The following RORB variants were observed in gnomAD, a reference collection of about 807,000 sequenced individuals.
RORB encodes nuclear receptor ROR-beta.
In RORB, 6 loss-of-function variants were observed where a neutral mutation model predicts 59.1. The ratio of observed to expected loss-of-function variants is 0.10; its 90% confidence interval spans 0.06 to 0.20. The LOEUF (loss-of-function observed/expected upper bound fraction) is 0.20, where lower values mean the gene tolerates loss of function less well. Ranked by LOEUF, RORB falls within the 10% of genes least tolerant of loss-of-function variation. RORB has a pLI of 1.00. For missense variants in RORB, 320 were observed against 560.5 expected (o/e 0.57, Z 4.33); for synonymous variants, 215 against 204.5 (o/e 1.05, Z -0.44).
chr9:74,574,592 A>C (rs1779871897), intron 1 of RORB, among the ~76,000 whole-genome samples: 1 of 152,130 alleles, frequency 6.6e-6, no homozygotes, highest in South Asian at 2.1e-4. Context: ...CATCCACATT[A>C]TAGTGCAACC....
At chr9:74,644,580 T>A (rs943690697) in intron 4 of RORB, among the ~76,000 whole-genome samples, 1 of 152,178 alleles carries the variant, frequency 6.6e-6, no homozygotes, top group Non-Finnish European at 1.5e-5. Context: ...CTACCTGCCA[T>A]GGGTCTCAAT....
At chr9:74,674,005 C>T (rs1824391773) in intron 9 of RORB, among the ~76,000 whole-genome samples, 1 of 152,108 alleles carries the variant, frequency 6.6e-6, no homozygotes, top group South Asian at 2.1e-4. Context: ...TTAAGTCGCT[C>T]CATTTGTCTA....
intron 1 of RORB, among the ~76,000 whole-genome samples, chr9:74,617,127 C>A (rs1397292080): frequency 6.9e-6 from 1 of 145,428 alleles, no homozygotes; most frequent in Non-Finnish European, 1.5e-5. Flanking sequence ...AGAAGTAATT[C>A]AAATGTCTAA....
intron 1 of RORB, among the ~76,000 whole-genome samples, chr9:74,562,059 G>A (rs953270043): frequency 2.0e-5 from 3 of 152,162 alleles, no homozygotes; most frequent in African/African-American, 4.8e-5. Context: ...AGAGGATGGT[G>A]CATGTTGTCA....
chr9:74,514,115 C>T (rs1394465494), intron 1 of RORB, among the ~76,000 whole-genome samples: 3 of 152,102 alleles, frequency 2.0e-5, no homozygotes, highest in Non-Finnish European at 4.4e-5. Flanking sequence ...GATGACCACG[C>T]ACAATCATAT....
intron 1 of RORB, among the ~76,000 whole-genome samples, chr9:74,531,158 G>C (rs1456802423): frequency 1.3e-5 from 2 of 151,944 alleles, no homozygotes; most frequent in Admixed American, 1.3e-4. Flanking sequence ...CTTTTAAATA[G>C]TTATCAGTCA....
chr9:74,528,246 T>G lies in RORB; in HGVS notation c.7+30263T>G, dbSNP rs1826186108. ...GACTGAGGGGTTCTTAGAGTCCAAG[T>G]GTTGAAACACTTTTAAAGTGCAGTT... On this transcript the variant is annotated intron_variant, in intron 1 of 9. Transcript: ENST00000376896. Among the ~76,000 whole-genome samples, 3 of 151,956 alleles carry G rather than the reference T, an allele frequency of 2.0e-5. No homozygotes were observed. The South Asian group carries it at 6.2e-4, about 32-fold the overall frequency.
At chr9:74,503,844 A>G (rs766563966) in intron 1 of RORB, among the ~76,000 whole-genome samples, 2 of 152,156 alleles carry the variant, frequency 1.3e-5, no homozygotes, top group Non-Finnish European at 2.9e-5. Context: ...GGCTATGTTA[A>G]CTAGTTCTTT....
intron 1 of RORB, among the ~76,000 whole-genome samples, chr9:74,543,130 C>G (rs2118139046): frequency 6.6e-6 from 1 of 152,266 alleles, no homozygotes; most frequent in East Asian, 1.9e-4. Context: ...CCATCAAAGC[C>G]CTTCTGTCAG....
chr9:74,628,393 G>C (rs1823557196), intron 1 of RORB, among the ~76,000 whole-genome samples: 2 of 152,132 alleles, frequency 1.3e-5, no homozygotes, highest in African/African-American at 4.8e-5. Flanking sequence ...GGAAGTCAGA[G>C]AATGGTTACT....
At chr9:74,634,811 C>G in intron 3 of RORB, 39 bp downstream of exon 3, 2 of 1,566,626 alleles carry the variant, frequency 1.3e-6, no homozygotes, top group East Asian at 4.6e-5. Flanking sequence ...TAAGCCCTTT[C>G]AAATGGATGC....
chr9:74,575,654 C>G (rs556364366), intron 1 of RORB, among the ~76,000 whole-genome samples: 1 of 152,096 alleles, frequency 6.6e-6, no homozygotes, highest in South Asian at 2.1e-4. Context: ...TAAAAAAAAT[C>G]TGACTACTAG....
chr9:74,500,345 C>G (rs967254876), intron 1 of RORB, among the ~76,000 whole-genome samples: 2 of 152,054 alleles, frequency 1.3e-5, no homozygotes, highest in East Asian at 1.9e-4. Context: ...GAGGCTGTTC[C>G]GTAAGAATGG....
chr9:74,656,488 C>T (rs1485237808), intron 4 of RORB, among the ~76,000 whole-genome samples: 4 of 152,228 alleles, frequency 2.6e-5, no homozygotes, highest in Admixed American at 6.5e-5. Context: ...GTAATCCCAA[C>T]ACTTTGGGAA....
intron 1 of RORB, among the ~76,000 whole-genome samples, chr9:74,506,212 T>A (rs887862145): frequency 6.6e-6 from 1 of 152,110 alleles, no homozygotes; most frequent in Admixed American, 6.6e-5. Context: ...ATAGAGTATG[T>A]AGGCCGTATC....
rs550578643 is a variant in RORB, at chr9:74,633,735, T to C, written c.94-896T>C. Among the ~76,000 whole-genome samples the C allele has an allele frequency of 1.2e-3, 186 of 152,318 alleles. 2 individuals are homozygous for C. The highest frequency in any genetic ancestry group is 3.4e-3 in the Middle Eastern group (1 of 294). On this transcript the variant is annotated intron_variant, in intron 2 of 9. Transcript: ENST00000376896. ...ATTTAGACAAGCAGTGTATGGTCAC[T>C]GGCAGTTCATTTTTTACCTGATGAA...
intron 1 of RORB, among the ~76,000 whole-genome samples, chr9:74,507,632 G>A (rs952100882): frequency 6.6e-6 from 1 of 152,056 alleles, no homozygotes; most frequent in African/African-American, 2.4e-5. Context: ...CCATCCAGCA[G>A]CTGTTGACTT....
intron 1 of RORB, among the ~76,000 whole-genome samples, chr9:74,606,951 A>G (rs921288039): frequency 5.9e-5 from 9 of 152,232 alleles, no homozygotes; most frequent in Admixed American, 1.3e-4. Context: ...TGTGATAACC[A>G]CAATGGAAGA....
At chr9:74,510,637 A>G (rs1360885569) in intron 1 of RORB, among the ~76,000 whole-genome samples, 43 of 152,174 alleles carry the variant, frequency 2.8e-4, no homozygotes, top group Admixed American at 2.7e-3. Flanking sequence ...GCTACGCAGG[A>G]CAGGTATGAA....
Sources: gnomAD v4.1 joint callset for allele counts (sites outside exome capture counted in the v4.1 genomes callset) on GRCh38, gnomAD v4.1.1 for gene constraint, MANE v1.5 for transcripts, NCBI Gene and HGNC (gene_info 2026-07-23, HGNC 2026-07-21) for gene names.